Variants in MRM1 observed in about 807,000 individuals in gnomAD.
MRM1 encodes mitochondrial rRNA methyltransferase 1.
In MRM1, 24 loss-of-function variants were observed where a neutral mutation model predicts 25.0. The ratio of observed to expected loss-of-function variants is 0.96; its 90% CI spans 0.69 to 1.35. MRM1 has a LOEUF of 1.35. Among genes scored for constraint, MRM1 ranks in the 40% most tolerant of loss-of-function variants. The pLI, the probability that MRM1 is intolerant of heterozygous loss-of-function variation, is 0.00. For synonymous variants in MRM1, 188 were observed against 199.2 expected, an observed-to-expected ratio of 0.94 and a Z score of 0.47; for missense variants, 431 against 464.1, an observed-to-expected ratio of 0.93 and a Z score of 0.65.
At chr17:36,632,656 T>G in the MRM1 span, among the ~76,000 whole-genome samples, 15 of 152,200 alleles carry the variant, frequency 9.9e-5, no homozygotes, top group East Asian at 2.9e-3. Context: ...GATTGATTGA[T>G]TGGGTGAAAG....
Position 36,601,835 on chromosome 17 carries a change from G to GGC in MRM1, c.29_30dup (p.Thr11ArgfsTer26), listed in dbSNP as rs1224110967. On this transcript the variant is annotated frameshift_variant, in exon 1 of 5. Transcript: ENST00000614766. LOFTEE classifies it high-confidence loss of function. ...CATGGCATTGCTCTCGACCGTCCGG[G>GGC]GCGCGACCTGGGGTCGCCTCGTCAC... 6.3e-7 allele frequency: 1 copy of GGC among 1,580,204 alleles called. No individual in the cohort carries two copies. Among genetic ancestry groups the GGC allele is most frequent in the Non-Finnish European group, 8.6e-7 (1 of 1,164,726 alleles).
chr17:36,630,207 CT>C, the MRM1 span, among the ~76,000 whole-genome samples: 1 of 152,188 alleles, frequency 6.6e-6, no homozygotes, highest in Non-Finnish European at 1.5e-5. Context: ...CATTATTTCC[CT>C]GCCTGCAGGC....
At chr17:36,606,990 C>T (rs2074935817) in intron 2 of MRM1, among the ~76,000 whole-genome samples, 2 of 150,440 alleles carry the variant, frequency 1.3e-5, no homozygotes, top group Non-Finnish European at 2.9e-5. Flanking sequence ...TCTCGGTTGA[C>T]TGCAGCCTCT....
the MRM1 span, among the ~76,000 whole-genome samples, chr17:36,617,957 C>A: frequency 6.6e-6 from 1 of 152,288 alleles, no homozygotes; most frequent in East Asian, 1.9e-4. Flanking sequence ...CGGGGCTGAT[C>A]GATAGCAGCC....
At chr17:36,629,009 T>G in the MRM1 span, among the ~76,000 whole-genome samples, 1 of 152,106 alleles carries the variant, frequency 6.6e-6, no homozygotes, top group Admixed American at 6.5e-5. Context: ...GAGTGCAGGC[T>G]TCATGCACAC....
rs374008328 is a variant in MRM1, at chr17:36,608,942, C to T, written c.*527C>T. ...CCTACCTCACAGGGTTGTTGTGAGG[C>T]TCAAATAAAACATCACTCAGCACGT... On this transcript the variant is annotated 3_prime_UTR_variant, in exon 5 of 5. Coordinates refer to ENST00000614766, the MANE Select transcript of MRM1 (RefSeq NM_024864.5). 2 of 153,696 alleles carry T rather than the reference C, an allele frequency of 1.3e-5. No individual in the cohort carries two copies. The highest frequency in any genetic ancestry group is 4.8e-5 in the African/African-American group (2 of 41,640). 9.5% of individuals were successfully genotyped at this position (153,696 alleles called of 1,614,324 possible).
At chr17:36,611,680 T>C (rs931353269), downstream of MRM1, among the ~76,000 whole-genome samples, 1 of 152,176 alleles carries the variant, frequency 6.6e-6, no homozygotes, top group African/African-American at 2.4e-5. Context: ...AGGGCCTGAA[T>C]AGAACAAAAA....
the MRM1 span, among the ~76,000 whole-genome samples, chr17:36,627,105 AGGAT>A: frequency 2.0e-5 from 3 of 152,198 alleles, no homozygotes; most frequent in African/African-American, 7.2e-5. Flanking sequence ...CCTGTGCTCC[AGGAT>A]GGACCCCCTG....
At chr17:36,623,253 T>A in the MRM1 span, among the ~76,000 whole-genome samples, 1 of 152,102 alleles carries the variant, frequency 6.6e-6, no homozygotes, top group African/African-American at 2.4e-5. Context: ...CCTGAGACAG[T>A]TTGGTTGTGT....
chr17:36,622,514 G>A, the MRM1 span, among the ~76,000 whole-genome samples: 1 of 151,484 alleles, frequency 6.6e-6, no homozygotes, highest in Non-Finnish European at 1.5e-5. Flanking sequence ...AGAGGTTGCA[G>A]TGAGCTGAGA....
chr17:36,609,627 C>T (rs2074962309), downstream of MRM1, among the ~76,000 whole-genome samples: 1 of 152,190 alleles, frequency 6.6e-6, no homozygotes, highest in South Asian at 2.1e-4. Context: ...CAAAAATCTC[C>T]CCTCCTGGAG....
At chr17:36,609,578 A>G (rs1415822915), downstream of MRM1, among the ~76,000 whole-genome samples, 6 of 152,238 alleles carry the variant, frequency 3.9e-5, no homozygotes, top group Non-Finnish European at 8.8e-5. Context: ...TTATGAAACC[A>G]GAAATGTCTC....
chr17:36,627,445 T>C, the MRM1 span, among the ~76,000 whole-genome samples: 2 of 152,214 alleles, frequency 1.3e-5, no homozygotes, highest in African/African-American at 4.8e-5. Flanking sequence ...CCGCTTTGCC[T>C]GTTTCCCATC....
the MRM1 span, among the ~76,000 whole-genome samples, chr17:36,625,168 C>T: frequency 0.17 from 26,424 of 152,142 alleles, 2,996 homozygotes; most frequent in African/African-American, 0.29. Flanking sequence ...GCTCTCTCTC[C>T]ACCTGATATG....
chr17:36,629,935 G>A, the MRM1 span, among the ~76,000 whole-genome samples: 4 of 152,208 alleles, frequency 2.6e-5, no homozygotes, highest in Admixed American at 1.3e-4. Context: ...GCCTGCAGCT[G>A]GTAGGAAAGG....
At chr17:36,628,972 C>T in the MRM1 span, among the ~76,000 whole-genome samples, 1 of 151,876 alleles carries the variant, frequency 6.6e-6, no homozygotes, top group Non-Finnish European at 1.5e-5. Context: ...GAGAGAGAGA[C>T]CCATGAAACA....
the MRM1 span, among the ~76,000 whole-genome samples, chr17:36,618,549 T>A: frequency 6.6e-6 from 1 of 151,878 alleles, no homozygotes; most frequent in Non-Finnish European, 1.5e-5. Flanking sequence ...GTGTGCCTGG[T>A]GTGCTCTAGG....
chr17:36,608,298 G>A lies in MRM1; in HGVS notation c.945G>A (p.Glu315=). ...SQRKGFPTEG[E]RRQLLQDPQE... ...GGAAGGGTTTCCCCACAGAGGGGGA[G>A]AGAAGGCAGCTTCTCCAAGACCCCC... is the stretch of plus-strand genomic sequence containing the variant. Residue 315 remains glutamate (E), a synonymous_variant, in exon 5 of 5, where the codon GAG becomes GAA. Transcript: ENST00000614766. 1 of 1,607,176 alleles carries A rather than the reference G, an allele frequency of 6.2e-7. No homozygotes were observed. The highest frequency in any genetic ancestry group is 8.5e-7 in the Non-Finnish European group (1 of 1,176,968).
At chr17:36,622,190 C>A in the MRM1 span, among the ~76,000 whole-genome samples, 602 of 152,270 alleles carry the variant, frequency 4.0e-3, 3 homozygotes, top group East Asian at 0.017. Context: ...GGCTTCCCTG[C>A]TGCCTCCTGC....
Sources: gnomAD v4.1 joint callset for allele counts (sites outside exome capture counted in the v4.1 genomes callset) on GRCh38, gnomAD v4.1.1 for gene constraint, MANE v1.5 for transcripts, NCBI Gene and HGNC (gene_info 2026-07-23, HGNC 2026-07-21) for gene names.